Variants in CUBN observed in about 807,000 individuals in gnomAD.
CUBN encodes cubilin.
In CUBN, 282 loss-of-function variants were observed where a neutral mutation model predicts 405.3. That is an observed-to-expected ratio of 0.70 (90% CI 0.63 to 0.77). CUBN has a LOEUF of 0.77. CUBN is among the 30% of genes least tolerant of loss of function. The pLI is 0.00. For synonymous variants in CUBN, 1,684 were observed against 1,617.0 expected (o/e 1.04, Z -0.99); for missense variants, 4,514 against 4,475.2 (o/e 1.01, Z -0.25).
chr10:17,020,022 G>C, intron 27 of CUBN, 39 bp from the exon 28 acceptor site: 1 of 1,611,482 alleles, frequency 6.2e-7, no homozygotes, highest in African/African-American at 1.3e-5. Flanking sequence ...AAAAACACAT[G>C]GTTTGTGGGA....
intron 58 of CUBN, 35 bp from the exon 59 acceptor site, chr10:16,869,888 A>G (rs369584192): frequency 2.1e-6 from 3 of 1,445,442 alleles, no homozygotes; most frequent in African/African-American, 2.8e-5. Context: ...TGATGTTTCC[A>G]TTTGGACTTC....
rs10708099 is a variant in CUBN, at chr10:16,929,001, GAA to G, written c.6125-700_6125-699del. Reference sequence around the variant, plus strand: ...ATTGCTGAAGGTCAAGTAGGTAAAAGAAAAAAAAAAAACAGTTGGCTCTTTGA... The same window carrying G: ...ATTGCTGAAGGTCAAGTAGGTAAAAGAAAAAAAAAACAGTTGGCTCTTTGA... On this transcript the variant is annotated intron_variant, in intron 40 of 66. Transcript: ENST00000377833. 2.1e-3 allele frequency among the ~76,000 whole-genome samples: 310 copies of G among 147,872 alleles called. 4 individuals carry two copies. The highest frequency in any genetic ancestry group is 7.3e-3 in the South Asian group (34 of 4,642).
At chr10:17,039,230 T>G (rs1286477254) in intron 27 of CUBN, among the ~76,000 whole-genome samples, 1 of 152,192 alleles carries the variant, frequency 6.6e-6, no homozygotes, top group Non-Finnish European at 1.5e-5. Flanking sequence ...GAGTCCTATT[T>G]TGGTTTGTGC....
chr10:16,890,450 G>C lies in CUBN; in HGVS notation c.8676C>G (p.Ile2892Met). ...CGGCAGTGAATGTGTTACTTGGTGT[G>C]ATAACGGGACCCGGAGCCACGTTCC... is the stretch of plus-strand genomic sequence containing the variant. ...GCGNVAPGPV[I>M]TPSNTFTAVF... The change falls in exon 55 of 67, where the codon ATC becomes ATG. Residue 2892 changes from isoleucine (I) to methionine (M), a missense_variant. This residue lies in a region of CUBN where 1,186 missense variants were observed against 1,186.9 expected (regional missense o/e 1.00). Coordinates refer to ENST00000377833, the MANE Select transcript of CUBN (RefSeq NM_001081.4). The C allele has an allele frequency of 1.9e-6, 3 of 1,614,114 alleles. No individual in the cohort carries two copies. The highest frequency in any genetic ancestry group is 2.5e-6 in the Non-Finnish European group (3 of 1,180,000).
chr10:17,041,677 A>T (rs1241398965), intron 26 of CUBN, among the ~76,000 whole-genome samples: 1 of 152,128 alleles, frequency 6.6e-6, no homozygotes, highest in Non-Finnish European at 1.5e-5. Flanking sequence ...ACAGTTTAAA[A>T]ACCCAAAATC....
chr10:17,010,237 G>C (rs141408810), intron 28 of CUBN, among the ~76,000 whole-genome samples: 1 of 152,314 alleles, frequency 6.6e-6, no homozygotes, highest in East Asian at 1.9e-4. Flanking sequence ...ACTGTCTCTA[G>C]TTAGAATCAT....
chr10:16,964,607 A>G (rs935889417), intron 31 of CUBN, among the ~76,000 whole-genome samples: 15 of 152,204 alleles, frequency 9.9e-5, no homozygotes, highest in African/African-American at 3.6e-4. Flanking sequence ...TATGAGGAGC[A>G]TGTAAGGTTT....
Position 16,869,830 on chromosome 10 carries a change from G to C in CUBN, c.9260C>G (p.Pro3087Arg). Residue 3087 changes from proline (P) to arginine (R), a missense_variant, in exon 59 of 67, where the codon CCC becomes CGC. Transcript: ENST00000377833. ...GTAGTCATGGGAGCAGGAGGTGGAG[G>C]GAACCACATCAAAATCACTGAACCT... is the stretch of plus-strand genomic sequence containing the variant. ...ELKFSDFDVV[P>R]STSCSHDYLA... 1 of 1,613,128 alleles carries C rather than the reference G, an allele frequency of 6.2e-7. No individual in the cohort carries two copies. Among genetic ancestry groups the C allele is most frequent in the Non-Finnish European group, 8.5e-7 (1 of 1,179,200 alleles).
At chr10:17,103,786 G>C (rs544798549) in intron 12 of CUBN, among the ~76,000 whole-genome samples, 1 of 152,310 alleles carries the variant, frequency 6.6e-6, no homozygotes, top group Non-Finnish European at 1.5e-5. Flanking sequence ...GTGCTCCTGA[G>C]GGACAGACAC....
chr10:17,044,468 T>G (rs1168299684), intron 25 of CUBN, among the ~76,000 whole-genome samples: 4 of 152,168 alleles, frequency 2.6e-5, no homozygotes, highest in Non-Finnish European at 5.9e-5. Flanking sequence ...GAGCTTACAC[T>G]GAAGGCTGAA....
Position 16,907,743 on chromosome 10 carries a change from T to C in CUBN, c.7534-64A>G, listed in dbSNP as rs1841596674. On this transcript the variant is annotated intron_variant, in intron 48 of 66. Coordinates refer to ENST00000377833, the MANE Select transcript of CUBN (RefSeq NM_001081.4). ...ATCTTACTGCATATTTCCTAGGAGG[T>C]GATATTTCCAGCCCAGACCCACTTC... 2.6e-6 allele frequency: 4 copies of C among 1,561,662 alleles called. No homozygotes were observed. The East Asian group carries it at 9.0e-5, about 35-fold the overall frequency.
chr10:17,104,286 G>A (rs1836566896), intron 12 of CUBN, 133 bp downstream of exon 12: 1 of 724,586 alleles, frequency 1.4e-6, no homozygotes, highest in Non-Finnish European at 2.4e-6. Flanking sequence ...TTTCTGCAAG[G>A]AAAGACTTAG....
At position 16,950,009 on chromosome 10, in the gene CUBN, G is replaced by A. The variant is rs1210743794; in HGVS notation, c.5072C>T (p.Pro1691Leu). The A allele has an allele frequency of 6.2e-7, 1 of 1,612,880 alleles. No individual in the cohort carries two copies. The highest frequency in any genetic ancestry group is 8.5e-7 in the Non-Finnish European group (1 of 1,179,122). Reference protein sequence around the residue: ...EILDGGHEDAPLRGRYCGTDM... With the variant: ...EILDGGHEDALLRGRYCGTDM... ...AGTGAACGCTGAGGTACCTCGGAGGGGCGCGTCTTCGTGGCCGCCATCCAA... is the reference window on the plus strand; with the variant it reads ...AGTGAACGCTGAGGTACCTCGGAGGAGCGCGTCTTCGTGGCCGCCATCCAA... The change falls in exon 34 of 67, where the codon CCC becomes CTC. Residue 1691 changes from proline (P) to leucine (L), a missense_variant. Pro to Leu is a moderately conservative substitution (Grantham distance 98, BLOSUM62 -3). Around this residue, in one of 5 missense-constraint regions of CUBN, gnomAD observed 1,613 missense variants for 1,542.8 expected, o/e 1.05. Transcript: ENST00000377833.
At chr10:16,994,375 G>C (rs964977553) in intron 28 of CUBN, among the ~76,000 whole-genome samples, 1 of 152,162 alleles carries the variant, frequency 6.6e-6, no homozygotes, top group African/African-American at 2.4e-5. Context: ...AGTTTACTAA[G>C]AGTAATTTCA....
At chr10:16,969,985 T>C (rs1176159275) in intron 31 of CUBN, among the ~76,000 whole-genome samples, 1 of 152,184 alleles carries the variant, frequency 6.6e-6, no homozygotes, top group African/African-American at 2.4e-5. Context: ...ATGCAACTCC[T>C]AACTGAATCC....
At chr10:16,961,837 G>A (rs1432744922) in intron 31 of CUBN, among the ~76,000 whole-genome samples, 1 of 149,990 alleles carries the variant, frequency 6.7e-6, no homozygotes, top group Non-Finnish European at 1.5e-5. Flanking sequence ...TCAGCCTCCT[G>A]AGTAGCTGGG....
At chr10:17,045,301 G>A in intron 24 of CUBN, 113 bp from the exon 25 acceptor site, 1 of 978,964 alleles carries the variant, frequency 1.0e-6, no homozygotes, top group South Asian at 1.4e-5. Context: ...AAATTGCACA[G>A]CAAAATGGCA....
intron 59 of CUBN, among the ~76,000 whole-genome samples, chr10:16,861,877 G>A (rs897150448): frequency 3.3e-5 from 5 of 151,926 alleles, no homozygotes; most frequent in African/African-American, 1.2e-4. Context: ...GGGGCTGGGC[G>A]CAGTGGCTCA....
intron 29 of CUBN, among the ~76,000 whole-genome samples, chr10:16,989,720 A>C (rs1446236628): frequency 6.6e-6 from 1 of 152,148 alleles, no homozygotes; most frequent in African/African-American, 2.4e-5. Context: ...AAGTGCTGGG[A>C]AAATTTTCAT....
Sources: allele counts gnomAD v4.1 joint callset (sites outside exome capture counted in the v4.1 genomes callset), GRCh38; gene constraint gnomAD v4.1.1; regional missense constraint gnomAD v4.1.1; transcripts MANE v1.5; gene names NCBI Gene and HGNC (gene_info 2026-07-23, HGNC 2026-07-21).